Variants in SCFD1 observed in about 807,000 individuals in gnomAD.
The protein encoded by SCFD1 is sec1 family domain-containing protein 1.
SCFD1 carries 37 observed loss-of-function variants against 103.2 expected under a neutral mutation model. That is an observed-to-expected ratio of 0.36 (90% CI 0.28 to 0.47). The LOEUF (loss-of-function observed/expected upper bound fraction) is 0.47, where lower values mean the gene tolerates loss of function less well. Among genes scored for constraint, SCFD1 ranks in the 20% least tolerant of loss-of-function variants. The probability of loss-of-function intolerance (pLI) is 1.00; values close to 1 mark genes in which losing one functional copy is unlikely to be tolerated. For missense variants in SCFD1, 639 were observed against 761.2 expected (o/e 0.84, Z 1.89); for synonymous variants, 264 against 245.0 (o/e 1.08, Z -0.73).
At chr14:30,650,533 G>A (rs765535044) in intron 8 of SCFD1, 32 bp from the exon 9 acceptor site, 1 of 1,252,314 alleles carries the variant, frequency 8.0e-7, no homozygotes, top group Admixed American at 1.7e-5. Context: ...ATATGAAACT[G>A]TTAAGAGTTA....
Position 30,715,976 on chromosome 14 carries a change from C to T in SCFD1, c.1682C>T (p.Pro561Leu). 6.6e-7 allele frequency: 1 copy of T among 1,518,766 alleles called. No individual in the cohort carries two copies. Among genetic ancestry groups the T allele is most frequent in the South Asian group, 1.2e-5 (1 of 85,990 alleles). The allele number at this position is 1,518,766 out of a possible 1,614,324, so 94.1% of individuals were successfully genotyped here. A position where few individuals can be genotyped will look rare whatever the true frequency, so the allele number is the denominator to read the frequency against. The part of the protein sequence containing the change: ...LDNLMEMKSN[P>L]ETDDYRYFDP... ...AATCTTATGGAGATGAAGTCAAACC[C>T]CGTGAGTACCATATAACATATTTTG... Residue 561 changes from proline to leucine, a missense_variant and splice_region_variant, in exon 20 of 25, where the codon CCC becomes CTC. By Grantham distance (98) the Pro-to-Leu change is moderately conservative. Coordinates refer to ENST00000458591, the MANE Select transcript of SCFD1 (RefSeq NM_016106.4).
chr14:30,638,056 A>G (rs1884904827), intron 4 of SCFD1, 69 bp from the exon 5 acceptor site: 2 of 1,428,830 alleles, frequency 1.4e-6, no homozygotes, highest in African/African-American at 1.5e-5. Context: ...TTTGCCTTAT[A>G]GTAGTTGAAA....
At chr14:30,678,139 T>A (rs2139239782) in intron 14 of SCFD1, among the ~76,000 whole-genome samples, 1 of 152,078 alleles carries the variant, frequency 6.6e-6, no homozygotes, top group African/African-American at 2.4e-5. Flanking sequence ...CGCCTGGCCG[T>A]AAATATTTTT....
rs61760957 is a variant in SCFD1, at chr14:30,638,135, A to G, written c.323A>G (p.Asn108Ser). 4.0e-4 allele frequency: 645 copies of G among 1,603,806 alleles called. 1 individual carries two copies. The highest frequency in any genetic ancestry group is 5.2e-4 in the Non-Finnish European group (609 of 1,176,060). ...TCATTGTATTGATAGGATCTTCGAA[A>G]TCAACTATATGAATCATATTATTTA... ...NIDRMCQDLR[N>S]QLYESYYLNF... The change falls in exon 5 of 25, where the codon AAT becomes AGT. Residue 108 changes from asparagine to serine, a missense_variant. Asn to Ser is a conservative substitution (Grantham distance 46, BLOSUM62 1). Coordinates refer to ENST00000458591, the MANE Select transcript of SCFD1 (RefSeq NM_016106.4).
intron 4 of SCFD1, among the ~76,000 whole-genome samples, chr14:30,637,729 CTG>C (rs1001360203): frequency 2.6e-5 from 4 of 152,100 alleles, no homozygotes; most frequent in Non-Finnish European, 4.4e-5. Flanking sequence ...TATAACTTGT[CTG>C]TGTGCAATGA....
intron 7 of SCFD1, among the ~76,000 whole-genome samples, chr14:30,646,742 C>G (rs1185363262): frequency 6.6e-6 from 1 of 152,128 alleles, no homozygotes; most frequent in South Asian, 2.1e-4. Flanking sequence ...GTGAATCCAT[C>G]TGGTCCAGGG....
At chr14:30,664,226 C>G (rs1887708646) in intron 10 of SCFD1, among the ~76,000 whole-genome samples, 1 of 152,116 alleles carries the variant, frequency 6.6e-6, no homozygotes, top group South Asian at 2.1e-4. Flanking sequence ...ATTTGCTGTT[C>G]TGCAGCCTCC....
rs17097130 is a variant in SCFD1 at position 30,722,566 on chromosome 14, T to C, written c.1836+7T>C. ...TCTTGTTGACTACATAAAGGTACAT[T>C]TTATTTAGCCTTTTTATTCTGTTGT... On this transcript the variant is annotated splice_region_variant and intron_variant, in intron 23 of 24. Transcript: ENST00000458591. 0.2 allele frequency: 313,097 copies of C among 1,567,706 alleles called. 34,509 individuals are homozygous for C. Among genetic ancestry groups the C allele is most frequent in the East Asian group, 0.45 (19,724 of 44,046 alleles).
At chr14:30,662,810 G>A (rs1887567332) in intron 10 of SCFD1, among the ~76,000 whole-genome samples, 1 of 152,038 alleles carries the variant, frequency 6.6e-6, no homozygotes, top group South Asian at 2.1e-4. Flanking sequence ...CTCTAACTTG[G>A]GAAAAGAAAA....
intron 15 of SCFD1, among the ~76,000 whole-genome samples, chr14:30,696,612 T>C (rs1209454050): frequency 1.3e-5 from 2 of 152,202 alleles, no homozygotes; most frequent in Non-Finnish European, 2.9e-5. Flanking sequence ...GGATTAGTAA[T>C]CTGGCATGTC....
intron 15 of SCFD1, among the ~76,000 whole-genome samples, chr14:30,699,357 G>T (rs895265796): frequency 6.6e-6 from 1 of 152,106 alleles, no homozygotes; most frequent in Non-Finnish European, 1.5e-5. Context: ...CTGAGTTCTT[G>T]CATCTTAGGA....
Position 30,708,003 on chromosome 14 carries a change from G to A in SCFD1, c.1567G>A (p.Val523Ile). 1.2e-6 allele frequency: 2 copies of A among 1,612,894 alleles called. No homozygotes were observed. The highest frequency in any genetic ancestry group is 1.7e-6 in the Non-Finnish European group (2 of 1,179,010). ...GCCCCTACCTAGTCTTTTATCACGA[G>A]TCATGAATACAGGATCACAGTTTGT... ...TTKPMGLLSR[V>I]MNTGSQFVME... The change falls in exon 19 of 25, where the codon GTC becomes ATC. Residue 523 changes from valine (V) to isoleucine (I), a missense_variant. Coordinates refer to ENST00000458591, the MANE Select transcript of SCFD1 (RefSeq NM_016106.4).
chr14:30,698,949 A>G (rs766621172), intron 15 of SCFD1, among the ~76,000 whole-genome samples: 6 of 152,222 alleles, frequency 3.9e-5, no homozygotes, highest in Non-Finnish European at 5.9e-5. Context: ...CCACTGGTTC[A>G]TGGGACAGAT....
At chr14:30,677,812 C>A (rs1221438371) in intron 14 of SCFD1, among the ~76,000 whole-genome samples, 3 of 129,366 alleles carry the variant, frequency 2.3e-5, no homozygotes, top group African/African-American at 5.8e-5. Flanking sequence ...TGTGAACATA[C>A]ATTCACCTAA....
rs181656121 is a variant in SCFD1, at chr14:30,706,905, A to T, written c.1553+1020A>T. ...GGAATCCAGCTGGCCTCACCTTCAG[A>T]CAGTGCTGCGCAGGTTAGCACACCC... On this transcript the variant is annotated intron_variant, in intron 18 of 24. Transcript: ENST00000458591. Among the ~76,000 whole-genome samples the T allele has an allele frequency of 5.3e-5, 8 of 152,292 alleles. No homozygotes were observed. In the East Asian group the frequency reaches 1.5e-3, roughly 29 times the overall value.
intron 10 of SCFD1, among the ~76,000 whole-genome samples, chr14:30,668,681 A>G (rs1394625916): frequency 2.0e-5 from 3 of 152,230 alleles, no homozygotes; most frequent in Non-Finnish European, 4.4e-5. Context: ...AGAATCTACA[A>G]AGAACGTAAA....
intron 14 of SCFD1, among the ~76,000 whole-genome samples, chr14:30,693,540 G>A (rs1046632679): frequency 1.3e-5 from 2 of 152,120 alleles, no homozygotes; most frequent in African/African-American, 4.8e-5. Flanking sequence ...CTGTTTAGAT[G>A]TTTCTACCTT....
Position 30,674,990 on chromosome 14 carries a change from GC to G in SCFD1, c.1169del (p.Pro390GlnfsTer21). ...AATTTTTTGATACTTGCAGTTCTTTGCCAGAACTCCTTGAGAAAAAAAGACT... is the reference window on the plus strand; with the variant it reads ...AATTTTTTGATACTTGCAGTTCTTTGCAGAACTCCTTGAGAAAAAAAGACT... ...AKLTSAVSSL[P>X]ELLEKKRLID... On this transcript the variant is annotated frameshift_variant, in exon 14 of 25. Transcript: ENST00000458591. LOFTEE classifies it high-confidence loss of function. The G allele has an allele frequency of 6.4e-7, 1 of 1,569,640 alleles. No homozygotes were observed. The highest frequency in any genetic ancestry group is 8.6e-7 in the Non-Finnish European group (1 of 1,157,800).
At chr14:30,728,627 C>A (rs1468840702) in intron 23 of SCFD1, among the ~76,000 whole-genome samples, 2 of 152,134 alleles carry the variant, frequency 1.3e-5, no homozygotes, top group Admixed American at 6.5e-5. Context: ...TAACTGTAAT[C>A]ATTTGAAGAA....
Sources: allele counts gnomAD v4.1 joint callset (sites outside exome capture counted in the v4.1 genomes callset), GRCh38; gene constraint gnomAD v4.1.1; transcripts MANE v1.5; gene names NCBI Gene and HGNC (gene_info 2026-07-23, HGNC 2026-07-21).